CDH13: variants seen among roughly 807,000 people sequenced by gnomAD.
CDH13 encodes cadherin 13.
CDH13 carries 24 observed loss-of-function variants against 63.8 expected under a neutral mutation model. That is an observed-to-expected ratio of 0.38 (90% confidence interval 0.27 to 0.53). The LOEUF (loss-of-function observed/expected upper bound fraction) is 0.53. Ranked by LOEUF, CDH13 falls within the 20% of genes least tolerant of loss-of-function variation. The pLI is 0.85. For synonymous variants in CDH13, 503 were observed against 355.3 expected, an observed-to-expected ratio of 1.42 and a Z score of -4.67; for missense variants, 1,049 against 903.1, an observed-to-expected ratio of 1.16 and a Z score of -2.07.
chr16:83,303,269 A>C (rs1161229461), intron 5 of CDH13, among the ~76,000 whole-genome samples: 1 of 152,242 alleles, frequency 6.6e-6, no homozygotes, highest in East Asian at 1.9e-4. Flanking sequence ...AAAGGCACAC[A>C]AATTTATTTA....
intron 10 of CDH13, among the ~76,000 whole-genome samples, chr16:83,714,596 C>G (rs1567542596): frequency 6.6e-6 from 1 of 152,194 alleles, no homozygotes; most frequent in African/African-American, 2.4e-5. Flanking sequence ...GGATTCTCAG[C>G]TATCAGTAGG....
chr16:83,446,139 CA>C (rs2072681640), intron 6 of CDH13, among the ~76,000 whole-genome samples: 1 of 151,696 alleles, frequency 6.6e-6, no homozygotes, highest in Admixed American at 6.6e-5. Context: ...CCCATCTCTA[CA>C]AAAAATACAG....
At chr16:82,716,308 A>G (rs781650192) in intron 1 of CDH13, among the ~76,000 whole-genome samples, 24 of 152,106 alleles carry the variant, frequency 1.6e-4, no homozygotes, top group Non-Finnish European at 2.8e-4. Context: ...CTGCTTTTCC[A>G]TGGGAAAGGT....
At chr16:83,570,779 TA>T (rs1412688156) in intron 7 of CDH13, among the ~76,000 whole-genome samples, 17 of 142,810 alleles carry the variant, frequency 1.2e-4, no homozygotes, top group African/African-American at 4.3e-4. Flanking sequence ...ATGAATAAAA[TA>T]TATTTTATAT....
intron 1 of CDH13, among the ~76,000 whole-genome samples, chr16:82,848,157 T>C (rs1387113794): frequency 1.3e-5 from 2 of 152,228 alleles, no homozygotes; most frequent in Non-Finnish European, 2.9e-5. Flanking sequence ...AGTAAGGTTC[T>C]GGGAAGCTGG....
chr16:82,712,444 G>A (rs1057280686), intron 1 of CDH13, among the ~76,000 whole-genome samples: 7 of 152,028 alleles, frequency 4.6e-5, no homozygotes, highest in Non-Finnish European at 1.0e-4. Context: ...TCAGCACCTT[G>A]CGTATTCTTC....
At chr16:83,278,442 C>T (rs1362867055) in intron 5 of CDH13, among the ~76,000 whole-genome samples, 1 of 152,180 alleles carries the variant, frequency 6.6e-6, no homozygotes, top group Non-Finnish European at 1.5e-5. Flanking sequence ...TAATGAATGG[C>T]TTGGAGGACG....
At chr16:82,716,534 G>C (rs1189006622) in intron 1 of CDH13, among the ~76,000 whole-genome samples, 1 of 150,452 alleles carries the variant, frequency 6.6e-6, no homozygotes, top group Non-Finnish European at 1.5e-5. Flanking sequence ...TATGAGTGGA[G>C]GAATCGGGGT....
At chr16:82,981,844 C>G (rs1356729056) in intron 2 of CDH13, among the ~76,000 whole-genome samples, 1 of 152,166 alleles carries the variant, frequency 6.6e-6, no homozygotes, top group East Asian at 1.9e-4. Flanking sequence ...TTCCTAATGA[C>G]CATTCACAGT....
At chr16:83,049,923 T>G (rs73596242) in intron 3 of CDH13, among the ~76,000 whole-genome samples, 5,133 of 152,272 alleles carry the variant, frequency 0.034, 282 homozygotes, top group African/African-American at 0.12. Context: ...AATGATTGAG[T>G]GTGGGCAGCT....
rs1053504961 is a variant in CDH13 at position 83,052,078 on chromosome 16, C to T, written c.366+19860C>T. ...ATAATTGATAGAGAAATAATTCAAG[C>T]AGCTAACTATATCATGCATTCTCTG... On this transcript the variant is annotated intron_variant, in intron 3 of 13. Coordinates refer to ENST00000567109, the MANE Select transcript of CDH13 (RefSeq NM_001257.5). Among the ~76,000 whole-genome samples, 3 of 152,070 alleles carry T rather than the reference C, an allele frequency of 2.0e-5. No individual in the cohort carries two copies. In the East Asian group the frequency reaches 5.8e-4, roughly 29 times the overall value.
intron 3 of CDH13, among the ~76,000 whole-genome samples, chr16:83,039,795 A>G (rs892352378): frequency 6.6e-6 from 1 of 152,036 alleles, no homozygotes; most frequent in Non-Finnish European, 1.5e-5. Flanking sequence ...GAATTGGCCA[A>G]GCTTTCCCAT....
intron 3 of CDH13, among the ~76,000 whole-genome samples, chr16:83,049,883 C>G (rs1323447315): frequency 6.6e-6 from 1 of 152,142 alleles, no homozygotes; most frequent in African/African-American, 2.4e-5. Flanking sequence ...ACATTGCATA[C>G]TTACAAGATT....
chr16:83,131,219 G>T (rs2036037453), intron 4 of CDH13, among the ~76,000 whole-genome samples: 1 of 110,932 alleles, frequency 9.0e-6, no homozygotes, highest in Non-Finnish European at 1.7e-5. Flanking sequence ...GACACACACA[G>T]GAGACAACCC....
At chr16:83,623,005 C>G (rs576110937) in intron 8 of CDH13, among the ~76,000 whole-genome samples, 1 of 152,342 alleles carries the variant, frequency 6.6e-6, no homozygotes, top group East Asian at 1.9e-4. Flanking sequence ...GCTTTGGGAA[C>G]ATGACCTAAG....
At chr16:83,617,551 A>G (rs753452821) in intron 8 of CDH13, among the ~76,000 whole-genome samples, 21 of 151,252 alleles carry the variant, frequency 1.4e-4, no homozygotes, top group Non-Finnish European at 3.1e-4. Context: ...TTCTCATATG[A>G]ACATATCTCA....
intron 2 of CDH13, among the ~76,000 whole-genome samples, chr16:82,981,674 T>A (rs1286563613): frequency 1.3e-5 from 2 of 152,338 alleles, no homozygotes; most frequent in South Asian, 2.1e-4. Flanking sequence ...AATAAAATTT[T>A]AAAAAATCCA....
At chr16:83,659,022 C>A (rs1913179659) in intron 8 of CDH13, among the ~76,000 whole-genome samples, 1 of 145,228 alleles carries the variant, frequency 6.9e-6, no homozygotes, top group Admixed American at 6.8e-5. Context: ...CACCAGGTCC[C>A]ATATCCTCAC....
chr16:83,727,505 C>G (rs1361106212), intron 10 of CDH13, among the ~76,000 whole-genome samples: 2 of 151,620 alleles, frequency 1.3e-5, no homozygotes, highest in Admixed American at 6.6e-5. Flanking sequence ...GCACACCTAT[C>G]CACCTGTTCC....
Sources: allele counts gnomAD v4.1 joint callset (sites outside exome capture counted in the v4.1 genomes callset), GRCh38; gene constraint gnomAD v4.1.1; transcripts MANE v1.5; gene names NCBI Gene and HGNC (gene_info 2026-07-23, HGNC 2026-07-21).